The following ADCY7 variants were observed in gnomAD, a reference collection of about 807,000 sequenced individuals.
ADCY7 encodes adenylate cyclase 7, also known as adenylate cyclase type 7.
In ADCY7, 72 loss-of-function variants were observed where a neutral mutation model predicts 120.6. The ratio of observed to expected loss-of-function variants is 0.60; its 90% CI spans 0.49 to 0.73. The LOEUF is 0.73. Ranked by LOEUF, ADCY7 falls within the 30% of genes least tolerant of loss-of-function variation. The pLI is 0.00. For missense variants in ADCY7, 1,227 were observed against 1,486.0 expected (o/e 0.83, Z 2.87); for synonymous variants, 661 against 628.0 (o/e 1.05, Z -0.78).
At chr16:50,257,064 C>T (rs1408800643) in intron 1 of ADCY7, among the ~76,000 whole-genome samples, 1 of 152,110 alleles carries the variant, frequency 6.6e-6, no homozygotes, top group Non-Finnish European at 1.5e-5. Context: ...AAATACTGCA[C>T]GATCTCACTT....
chr16:50,287,702 C>G (rs1009625418), intron 1 of ADCY7, among the ~76,000 whole-genome samples: 2 of 151,278 alleles, frequency 1.3e-5, no homozygotes, highest in South Asian at 2.1e-4. Flanking sequence ...AAAAAGCAGC[C>G]ACATGTGGCT....
At chr16:50,266,003 G>T (rs1000790260), upstream of ADCY7, among the ~76,000 whole-genome samples, 15 of 152,216 alleles carry the variant, frequency 9.9e-5, no homozygotes, top group African/African-American at 3.4e-4. Flanking sequence ...TTTTGGAATA[G>T]GAGCCCCAAG....
In ADCY7 at chr16:50,317,459, G is replaced by T. The variant is rs1244986689; in HGVS notation, c.*1954G>T. On this transcript the variant is annotated 3_prime_UTR_variant, in exon 26 of 26. Transcript: ENST00000673801. ...TAACATAGAAACACATTAGTGCACT[G>T]GGCCTCTCTGAGGTCAGCATATTTG... 1 of 151,726 alleles carries T rather than the reference G, an allele frequency of 6.6e-6. No homozygotes were observed. Among genetic ancestry groups the T allele is most frequent in the Non-Finnish European group, 1.5e-5 (1 of 68,036 alleles). The allele number at this position is 151,726 out of a possible 1,614,324, so 9.4% of individuals were successfully genotyped here.
chr16:50,310,407 AT>A lies in ADCY7; in HGVS notation c.2161-279del. 4 of 1,509,192 alleles carry A rather than the reference AT, an allele frequency of 2.7e-6. No individual in the cohort carries two copies. In the South Asian group the frequency reaches 4.8e-5, roughly 18 times the overall value. 93.5% of individuals were successfully genotyped at this position (1,509,192 alleles called of 1,614,324 possible). A position where few individuals can be genotyped will look rare whatever the true frequency, so the allele number is the denominator to read the frequency against. On this transcript the variant is annotated intron_variant, in intron 18 of 25. Transcript: ENST00000673801. ...AAACTCAGGGAGGCAGCTTGGATGC[AT>A]GCACGCTCCGGCCTTGACCTTGACT... is the stretch of plus-strand genomic sequence containing the variant.
Position 50,259,827 on chromosome 16 carries a change from G to A in ADCY7, c.-64+13624G>A, listed in dbSNP as rs76025612. 1.9e-4 allele frequency among the ~76,000 whole-genome samples: 29 copies of A among 152,324 alleles called. No homozygotes were observed. In the Middle Eastern group the frequency reaches 0.01, roughly 54 times the overall value. On this transcript the variant is annotated intron_variant, in intron 1 of 4. Transcript: ENST00000564044. ...CACCACTGATTAGGGGTCAGAAGGC[G>A]CTAGTGGACCCGGGCATTTTCTTAT... is the stretch of plus-strand genomic sequence containing the variant.
At chr16:50,300,956 A>G in intron 9 of ADCY7, 83 bp downstream of exon 9, 3 of 1,530,340 alleles carry the variant, frequency 2.0e-6, no homozygotes, top group Non-Finnish European at 2.6e-6. Flanking sequence ...GGTGGGGGTC[A>G]GGTGTGGAGG....
intron 1 of ADCY7, among the ~76,000 whole-genome samples, chr16:50,275,237 C>T (rs895679273): frequency 6.6e-6 from 1 of 152,272 alleles, no homozygotes; most frequent in African/African-American, 2.4e-5. Context: ...TCCTGGCCCA[C>T]AGGCAGGTGC....
rs1370007736 is a variant in ADCY7 at position 50,288,024 on chromosome 16, G to T, written c.-156G>T. 1.2e-5 allele frequency: 10 copies of T among 802,620 alleles called. No individual in the cohort carries two copies. The East Asian group carries it at 2.9e-4, about 23-fold the overall frequency. The allele number at this position is 802,620 out of a possible 1,614,324, so 49.7% of individuals were successfully genotyped here. A position where few individuals can be genotyped will look rare whatever the true frequency, so the allele number is the denominator to read the frequency against. On this transcript the variant is annotated 5_prime_UTR_variant, in exon 2 of 26. Transcript: ENST00000673801. ...GTGCGGACCCCTTGTTGGCCATGGA[G>T]CAGCAGGCCCAGAGGCCCTCTCCCC...
At chr16:50,287,024 T>C (rs1169734602) in intron 1 of ADCY7, among the ~76,000 whole-genome samples, 1 of 151,992 alleles carries the variant, frequency 6.6e-6, no homozygotes, top group Non-Finnish European at 1.5e-5. Flanking sequence ...ATTTGATTTT[T>C]TTTTTTTTTT....
At chr16:50,301,286 C>A in intron 10 of ADCY7, 72 bp downstream of exon 10, 1 of 1,502,060 alleles carries the variant, frequency 6.7e-7, no homozygotes, top group South Asian at 1.3e-5. Flanking sequence ...GCCTGGCCCG[C>A]ACCTTGGAGG....
At chr16:50,260,727 G>A (rs1357488585) in intron 1 of ADCY7, among the ~76,000 whole-genome samples, 1 of 152,198 alleles carries the variant, frequency 6.6e-6, no homozygotes, top group Admixed American at 6.5e-5. Context: ...CACATGCAGG[G>A]TGGGTTGGTG....
chr16:50,311,328 C>A (rs2036444212), intron 19 of ADCY7, among the ~76,000 whole-genome samples: 1 of 152,086 alleles, frequency 6.6e-6, no homozygotes, highest in Non-Finnish European at 1.5e-5. Flanking sequence ...AGCCTGGGAC[C>A]CAGAACAGAA....
intron 3 of ADCY7, among the ~76,000 whole-genome samples, chr16:50,291,104 A>G (rs1393562208): frequency 1.3e-5 from 2 of 152,030 alleles, no homozygotes; most frequent in African/African-American, 2.4e-5. Flanking sequence ...TTTCTCAACC[A>G]GCTCGACCTG....
rs762807089 is a variant in ADCY7, at chr16:50,290,643, G to A, written c.358G>A (p.Ala120Thr). Reference protein sequence around the residue: ...VLVFDAWTKAACAWEQVPFFL... With the variant: ...VLVFDAWTKATCAWEQVPFFL... ...GGTGTTCGACGCATGGACAAAGGCG[G>A]CCTGTGCGTGGGAGCAGGTAACAGG... Residue 120 changes from alanine to threonine, a missense_variant, in exon 3 of 26, where the codon GCC becomes ACC. Ala to Thr is a moderately conservative substitution (Grantham distance 58). Around this residue, in one of 5 missense-constraint regions of ADCY7, gnomAD observed 382 missense variants for 411.4 expected, o/e 0.93. Coordinates refer to ENST00000673801, the MANE Select transcript of ADCY7 (RefSeq NM_001114.5). 2.5e-5 allele frequency: 41 copies of A among 1,613,648 alleles called. No individual in the cohort carries two copies. The highest frequency in any genetic ancestry group is 3.4e-5 in the Non-Finnish European group (40 of 1,179,814).
intron 7 of ADCY7, among the ~76,000 whole-genome samples, chr16:50,295,345 A>ATTTTTTTTTTTTTTTTTTTTTTTTTTTTT: frequency 1.2e-5 from 1 of 82,738 alleles, no homozygotes; most frequent in Non-Finnish European, 2.3e-5. Context: ...CGCCTGGCTA[A>ATTTTTTTTTTTTTTTTTTTTTTTTTTTTT]TTTTTTTTTT....
intron 1 of ADCY7, among the ~76,000 whole-genome samples, chr16:50,283,120 G>A (rs1037728496): frequency 6.6e-6 from 1 of 152,212 alleles, no homozygotes; most frequent in Non-Finnish European, 1.5e-5. Context: ...AACCCACTGA[G>A]GGGCCACGGG....
At chr16:50,278,870 C>CTT (rs1257035615) in intron 1 of ADCY7, among the ~76,000 whole-genome samples, 4 of 117,958 alleles carry the variant, frequency 3.4e-5, no homozygotes, top group African/African-American at 1.3e-4. Flanking sequence ...CTCTCTCTCT[C>CTT]TCTCTTTTTT....
chr16:50,312,002 G>A (rs747213299), intron 20 of ADCY7, 34 bp from the exon 21 acceptor site: 4 of 1,612,154 alleles, frequency 2.5e-6, no homozygotes, highest in Admixed American at 3.3e-5. Flanking sequence ...CCACTTGCCT[G>A]TGGACGGGGC....
chr16:50,317,932 T>C lies in ADCY7; in HGVS notation c.*2427T>C, dbSNP rs1567591432. 6.6e-6 allele frequency: 1 copy of C among 152,308 alleles called. No individual in the cohort carries two copies. The highest frequency in any genetic ancestry group is 1.5e-5 in the Non-Finnish European group (1 of 68,032). 9.4% of individuals were successfully genotyped at this position (152,308 alleles called of 1,614,324 possible). A position where few individuals can be genotyped will look rare whatever the true frequency, so the allele number is the denominator to read the frequency against. On this transcript the variant is annotated 3_prime_UTR_variant, in exon 26 of 26. Coordinates refer to ENST00000673801, the MANE Select transcript of ADCY7 (RefSeq NM_001114.5). The stretch of plus-strand genomic sequence containing the variant: ...AACAAACAAACAGAAGAGAAGATCA[T>C]TAACCACTGTATACTTTGTGTATAT...
Sources: allele counts gnomAD v4.1 joint callset (sites outside exome capture counted in the v4.1 genomes callset), GRCh38; gene constraint gnomAD v4.1.1; regional missense constraint gnomAD v4.1.1; transcripts MANE v1.5; gene names NCBI Gene and HGNC (gene_info 2026-07-23, HGNC 2026-07-21).